MTHFD1: variants seen among roughly 807,000 people sequenced by gnomAD.
MTHFD1 encodes the protein C-1-tetrahydrofolate synthase, cytoplasmic.
MTHFD1 carries 44 observed loss-of-function variants against 110.3 expected under a neutral mutation model. The observed-to-expected ratio is 0.40, with a 90% CI of 0.31 to 0.51. The LOEUF (loss-of-function observed/expected upper bound fraction) is 0.51, where lower values mean the gene tolerates loss of function less well. MTHFD1 is among the 20% of genes least tolerant of loss of function. The pLI, the probability that MTHFD1 is intolerant of heterozygous loss-of-function variation, is 0.60. For synonymous variants in MTHFD1, 402 were observed against 428.8 expected (o/e 0.94, Z 0.77); for missense variants, 909 against 1,173.1 (o/e 0.77, Z 3.29).
At position 64,388,384 on chromosome 14, in the gene MTHFD1, C is replaced by G; in HGVS notation, c.-44C>G. ...CTTGGCTGCGGAGGGAGTGGAACCT[C>G]GATATTGGTGGTGTCCATCGTGGGC... On this transcript the variant is annotated 5_prime_UTR_variant, in exon 1 of 28. Transcript: ENST00000652337. 9 of 1,614,174 alleles carry G rather than the reference C, an allele frequency of 5.6e-6. No individual in the cohort carries two copies. Among genetic ancestry groups the G allele is most frequent in the Non-Finnish European group, 7.6e-6 (9 of 1,180,026 alleles).
intron 27 of MTHFD1, 65 bp from the exon 28 acceptor site, chr14:64,459,694 G>A: frequency 7.3e-7 from 1 of 1,377,040 alleles, no homozygotes; most frequent in East Asian, 2.5e-5. Context: ...GTGCAGTATG[G>A]AAGGAACAGG....
intron 16 of MTHFD1, among the ~76,000 whole-genome samples, chr14:64,435,909 G>A (rs2078202811): frequency 6.6e-6 from 1 of 152,160 alleles, no homozygotes; most frequent in Admixed American, 6.5e-5. Flanking sequence ...GCTATTCAGT[G>A]TTGACTGAAA....
intron 23 of MTHFD1, chr14:64,449,021 G>A (rs112936445): frequency 5.9e-5 from 18 of 304,964 alleles, no homozygotes; most frequent in South Asian, 1.2e-4. Flanking sequence ...GGATGGTCTC[G>A]ATCTCCTGAC....
intron 1 of MTHFD1, among the ~76,000 whole-genome samples, chr14:64,395,141 A>T (rs1395887696): frequency 6.6e-6 from 1 of 152,216 alleles, no homozygotes; most frequent in Non-Finnish European, 1.5e-5. Flanking sequence ...CTCAGAGCCA[A>T]CCTTGTCTTG....
At chr14:64,410,396 T>A (rs2140952334) in intron 2 of MTHFD1, among the ~76,000 whole-genome samples, 1 of 64,232 alleles carries the variant, frequency 1.6e-5, no homozygotes, top group East Asian at 3.1e-4. Flanking sequence ...CTGGCTAATT[T>A]TTTGTAAAGA....
At chr14:64,446,764 G>C (rs1305643648) in intron 22 of MTHFD1, among the ~76,000 whole-genome samples, 1 of 152,010 alleles carries the variant, frequency 6.6e-6, no homozygotes, top group Admixed American at 6.5e-5. Flanking sequence ...GGATGGTCTC[G>C]ATCTCCTGAC....
At chr14:64,454,546 C>CT (rs59626407) in intron 25 of MTHFD1, among the ~76,000 whole-genome samples, 177 bp from the exon 26 acceptor site, 9,842 of 133,374 alleles carry the variant, frequency 0.074, 429 homozygotes, top group African/African-American at 0.13. Flanking sequence ...CCCAACAGTT[C>CT]TTTTTTTTTT....
intron 26 of MTHFD1, among the ~76,000 whole-genome samples, chr14:64,455,437 C>T (rs2078454700): frequency 6.6e-6 from 1 of 152,144 alleles, no homozygotes; most frequent in African/African-American, 2.4e-5. Flanking sequence ...TCTTATCTTA[C>T]AGATTTTATG....
At position 64,388,525 on chromosome 14, in the gene MTHFD1, T is replaced by C. The variant is rs1468698087; in HGVS notation, c.41+57T>C. 1.9e-6 allele frequency: 3 copies of C among 1,544,132 alleles called. No homozygotes were observed. The African/African-American group carries it at 4.1e-5, about 21-fold the overall frequency. ...GCTGTGGACGAGGGCTCTGAGGGTGTGCAGGTCCCCCGGACCCATTTTTTG... is the reference window on the plus strand; with the variant it reads ...GCTGTGGACGAGGGCTCTGAGGGTGCGCAGGTCCCCCGGACCCATTTTTTG... On this transcript the variant is annotated intron_variant, in intron 1 of 27. Transcript: ENST00000652337.
chr14:64,422,029 G>A (rs1030476433), intron 8 of MTHFD1, among the ~76,000 whole-genome samples: 3 of 152,218 alleles, frequency 2.0e-5, no homozygotes, highest in Admixed American at 2.0e-4. Flanking sequence ...CCTGAGTGGG[G>A]ATCTTGAGTG....
At chr14:64,439,011 C>CT in intron 16 of MTHFD1, 85 bp from the exon 17 acceptor site, 1 of 934,974 alleles carries the variant, frequency 1.1e-6, no homozygotes. Context: ...TGAAATTAGA[C>CT]TTATTGCTTT....
intron 3 of MTHFD1, 100 bp from the exon 4 acceptor site, chr14:64,412,372 T>G: frequency 1.1e-6 from 1 of 883,460 alleles, no homozygotes; most frequent in Non-Finnish European, 1.9e-6. Flanking sequence ...GGTGAAATGA[T>G]GACCAACACC....
chr14:64,434,187 G>T (rs957187827), intron 15 of MTHFD1, among the ~76,000 whole-genome samples: 1 of 152,130 alleles, frequency 6.6e-6, no homozygotes, highest in African/African-American at 2.4e-5. Flanking sequence ...TGCAGATATC[G>T]GGATAAAATC....
chr14:64,427,607 T>G (rs2140965220), intron 12 of MTHFD1, 134 bp downstream of exon 12: 1 of 917,024 alleles, frequency 1.1e-6, no homozygotes, highest in Non-Finnish European at 1.8e-6. Context: ...CTCACAAACC[T>G]CTGTAGTCAT....
chr14:64,426,195 A>G lies in MTHFD1; in HGVS notation c.1127+3A>G. 8 of 1,614,130 alleles carry G rather than the reference A, an allele frequency of 5.0e-6. No individual in the cohort carries two copies. The highest frequency in any genetic ancestry group is 6.8e-6 in the Non-Finnish European group (8 of 1,180,002). ...GGGAAATACGTGGTGGTGACTGGGTATGCTTTTTATTCATGTTGCCATCCA... is the reference window on the plus strand; with the variant it reads ...GGGAAATACGTGGTGGTGACTGGGTGTGCTTTTTATTCATGTTGCCATCCA... On this transcript the variant is annotated splice_donor_region_variant and intron_variant, in intron 11 of 27. Transcript: ENST00000652337.
intron 12 of MTHFD1, among the ~76,000 whole-genome samples, chr14:64,429,272 G>GTATATATATATATATATATAT (rs2078141156): frequency 1.7e-4 from 7 of 41,588 alleles, no homozygotes; most frequent in South Asian, 6.8e-4. Flanking sequence ...ATATATATCT[G>GTATATATATATATATATATAT]ATTTACATTT....
rs377153522 is a variant in MTHFD1 at position 64,441,589 on chromosome 14, A to G, written c.1884+136A>G. On this transcript the variant is annotated intron_variant, in intron 19 of 27. Transcript: ENST00000652337. ...TGGGAGGCCAAGGTGGGCAGATCAC[A>G]AGGTCAGGAGATCGAGACCATCCTG... 1.1e-3 allele frequency: 811 copies of G among 738,736 alleles called. 1 individual carries two copies. Among genetic ancestry groups the G allele is most frequent in the African/African-American group, 3.1e-3 (181 of 57,842 alleles). The allele number at this position is 738,736 out of a possible 1,614,324, so 45.8% of individuals were successfully genotyped here.
chr14:64,411,012 A>G lies in MTHFD1; in HGVS notation c.127-78A>G. On this transcript the variant is annotated intron_variant, in intron 2 of 27. Coordinates refer to ENST00000652337, the MANE Select transcript of MTHFD1 (RefSeq NM_005956.4). Reference sequence around the variant, plus strand: ...CGCATGATTAAACATTTCTTTTATTAAAACTAAAATTGTAGAAGCTTTTCT... The same window carrying G: ...CGCATGATTAAACATTTCTTTTATTGAAACTAAAATTGTAGAAGCTTTTCT... 2.9e-6 allele frequency: 3 copies of G among 1,037,732 alleles called. No individual in the cohort carries two copies. In the East Asian group the frequency reaches 7.1e-5, roughly 25 times the overall value. 64.3% of individuals were successfully genotyped at this position (1,037,732 alleles called of 1,614,324 possible). A position where few individuals can be genotyped will look rare whatever the true frequency, so the allele number is the denominator to read the frequency against.
At chr14:64,420,369 A>C (rs1490974771) in intron 8 of MTHFD1, among the ~76,000 whole-genome samples, 2 of 152,108 alleles carry the variant, frequency 1.3e-5, no homozygotes, top group African/African-American at 4.8e-5. Context: ...GTTTTTTTCT[A>C]GGCTGAGAGG....
Sources: allele counts gnomAD v4.1 joint callset (sites outside exome capture counted in the v4.1 genomes callset), GRCh38; gene constraint gnomAD v4.1.1; transcripts MANE v1.5; gene names NCBI Gene and HGNC (gene_info 2026-07-23, HGNC 2026-07-21).